C14orf39: variants seen among roughly 807,000 people sequenced by gnomAD.
C14orf39 encodes the protein protein SIX6OS1.
In C14orf39, 66 loss-of-function variants were observed where a neutral mutation model predicts 85.6. That is an observed-to-expected ratio of 0.77 (90% CI 0.63 to 0.95). C14orf39 has a LOEUF of 0.95. Among genes scored for constraint, C14orf39 ranks in the 40% least tolerant of loss-of-function variants. The pLI is 0.00. For synonymous variants in C14orf39, 242 were observed against 214.0 expected (o/e 1.13, Z -1.14); for missense variants, 735 against 663.9 (o/e 1.11, Z -1.18).
intron 4 of C14orf39, 67 bp downstream of exon 4, chr14:60,483,624 T>C (rs1892742240): frequency 5.7e-6 from 8 of 1,399,010 alleles, no homozygotes; most frequent in Non-Finnish European, 6.8e-6. Context: ...AGGAAGTATC[T>C]TCAACTGTAA....
rs1192380897 is a variant in C14orf39 at position 60,515,489 on chromosome 14, C to A, written c.-238G>T. On this transcript the variant is annotated 5_prime_UTR_variant, in exon 1 of 6. Transcript: ENST00000556799. This position sits in a 1 kb window ranked among gnomAD's most constrained non-coding sequence, Gnocchi z 6.2. ...TGACTCAGCGGCTCGAGGAGAGAAACCTCTCAAAACCGGGGGACCGAGACG... is the reference window on the plus strand; with the variant it reads ...TGACTCAGCGGCTCGAGGAGAGAAAACTCTCAAAACCGGGGGACCGAGACG... 6.6e-6 allele frequency: 1 copy of A among 151,958 alleles called. No individual in the cohort carries two copies. Among genetic ancestry groups the A allele is most frequent in the Admixed American group, 6.5e-5 (1 of 15,288 alleles). The allele number at this position is 151,958 out of a possible 1,614,324, so 9.4% of individuals were successfully genotyped here.
upstream of C14orf39, among the ~76,000 whole-genome samples, chr14:60,489,157 A>G (rs1188195619): frequency 1.3e-5 from 2 of 152,286 alleles, no homozygotes; most frequent in African/African-American, 2.4e-5. Context: ...CTTTCCATCA[A>G]TCTTGATTTA....
At position 60,478,428 on chromosome 14, in the gene C14orf39, T is replaced by C. The variant is rs777554255; in HGVS notation, c.234-39A>G. The C allele has an allele frequency of 1.4e-5, 15 of 1,069,552 alleles. No homozygotes were observed. The South Asian group carries it at 2.1e-4, about 15-fold the overall frequency. The allele number at this position is 1,069,552 out of a possible 1,614,324, so 66.3% of individuals were successfully genotyped here. A position where few individuals can be genotyped will look rare whatever the true frequency, so the allele number is the denominator to read the frequency against. ...TATATTTGTAATTAGCAACTCAGAA[T>C]GATAAACAAATTGATAGAGATAATA... On this transcript the variant is annotated intron_variant, in intron 4 of 17. Coordinates refer to ENST00000321731, the MANE Select transcript of C14orf39 (RefSeq NM_174978.3).
At chr14:60,503,564 T>G (rs1480106414) in intron 1 of C14orf39, among the ~76,000 whole-genome samples, 4 of 152,194 alleles carry the variant, frequency 2.6e-5, no homozygotes, top group Non-Finnish European at 4.4e-5. Flanking sequence ...ATATGGGTAA[T>G]CATTTAACCT....
intron 5 of C14orf39, among the ~76,000 whole-genome samples, chr14:60,476,623 C>G (rs1453746165): frequency 6.6e-6 from 1 of 152,210 alleles, no homozygotes; most frequent in Non-Finnish European, 1.5e-5. Flanking sequence ...ATAACAAACA[C>G]TGTTAGAGAA....
intron 8 of C14orf39, among the ~76,000 whole-genome samples, chr14:60,469,110 A>C (rs906762549): frequency 2.0e-5 from 3 of 151,196 alleles, no homozygotes; most frequent in Non-Finnish European, 4.4e-5. Flanking sequence ...TAGCTCGCTA[A>C]AGATTATAGT....
chr14:60,481,334 A>G (rs1394443184), intron 4 of C14orf39, among the ~76,000 whole-genome samples: 1 of 152,140 alleles, frequency 6.6e-6, no homozygotes, highest in African/African-American at 2.4e-5. Context: ...CCTTATGAAA[A>G]ATTCTCAGAA....
At chr14:60,496,943 T>G (rs942535946) in intron 2 of C14orf39, 1 of 152,292 alleles carries the variant, frequency 6.6e-6, no homozygotes, top group Non-Finnish European at 1.5e-5. Context: ...GCACAAGTTA[T>G]TGGAGCTGGG....
At chr14:60,465,317 T>G (rs552449925) in intron 11 of C14orf39, among the ~76,000 whole-genome samples, 1 of 152,214 alleles carries the variant, frequency 6.6e-6, no homozygotes, top group Admixed American at 6.6e-5. Context: ...TGGACTATTT[T>G]CAGGAAGAAT....
rs201854645 is a variant in C14orf39 at position 60,466,952 on chromosome 14, G to T, written c.860C>A (p.Pro287Gln). The change falls in exon 10 of 18, where the codon CCA (proline) becomes CAA (glutamine). Residue 287 changes from proline (P) to glutamine (Q), a missense_variant. Coordinates refer to ENST00000321731, the MANE Select transcript of C14orf39 (RefSeq NM_174978.3). ...TGGTTCTGAAGAATGCATCTTTATT[G>T]GTCTTACTAATTTCTGAGATTCATA... Reference protein sequence around the residue: ...LPYESQKLVRPIKMHSSEPRV... With the variant: ...LPYESQKLVRQIKMHSSEPRV... 6 of 1,470,764 alleles carry T rather than the reference G, an allele frequency of 4.1e-6. No homozygotes were observed. The highest frequency in any genetic ancestry group is 5.4e-6 in the Non-Finnish European group (6 of 1,110,774). 91.1% of individuals were successfully genotyped at this position (1,470,764 alleles called of 1,614,324 possible). A position where few individuals can be genotyped will look rare whatever the true frequency, so the allele number is the denominator to read the frequency against.
intron 16 of C14orf39, among the ~76,000 whole-genome samples, chr14:60,443,364 G>A (rs1036840100): frequency 6.6e-6 from 1 of 152,252 alleles, no homozygotes. Flanking sequence ...CAGACCAGGA[G>A]ATTCCCTCCC....
intron 16 of C14orf39, among the ~76,000 whole-genome samples, chr14:60,447,645 T>A (rs1248234313): frequency 6.6e-6 from 1 of 152,060 alleles, no homozygotes; most frequent in Non-Finnish European, 1.5e-5. Context: ...TCCAATGCTA[T>A]CCCCATCAAG....
chr14:60,457,406 T>C (rs1282982087), intron 14 of C14orf39, among the ~76,000 whole-genome samples: 1 of 151,970 alleles, frequency 6.6e-6, no homozygotes, highest in Non-Finnish European at 1.5e-5. Flanking sequence ...TCTTTTAAAA[T>C]TTCCACAATA....
At chr14:60,489,029 T>C (rs1892945672), upstream of C14orf39, among the ~76,000 whole-genome samples, 1 of 152,164 alleles carries the variant, frequency 6.6e-6, no homozygotes, top group African/African-American at 2.4e-5. Flanking sequence ...CTTTTCTTTT[T>C]TGGGGGTCAT....
rs147514705 is a variant in C14orf39 at position 60,470,031 on chromosome 14, C to T, written c.555-378G>A. On this transcript the variant is annotated intron_variant, in intron 7 of 17. Coordinates refer to ENST00000321731, the MANE Select transcript of C14orf39 (RefSeq NM_174978.3). ...GCCCAAATTTAACTTCTTATGCTTC[C>T]ATTATTTATTTGTTCAAAGACAATA... Among the ~76,000 whole-genome samples the T allele has an allele frequency of 1.1e-4, 16 of 149,852 alleles. 1 individual carries two copies. The East Asian group carries it at 3.1e-3, about 29-fold the overall frequency.
At chr14:60,511,945 A>G (rs1893301121) in intron 1 of C14orf39, 1 of 155,200 alleles carries the variant, frequency 6.4e-6, no homozygotes, top group African/African-American at 2.4e-5. Context: ...GCTTCCTGGT[A>G]TATGTTTTAA....
chr14:60,441,316 A>G (rs2140016841), intron 17 of C14orf39, among the ~76,000 whole-genome samples: 1 of 152,330 alleles, frequency 6.6e-6, no homozygotes, highest in East Asian at 1.9e-4. Flanking sequence ...CCTTTTGTCC[A>G]TAGCAGCCTG....
chr14:60,474,612 C>G (rs374792450), intron 5 of C14orf39, among the ~76,000 whole-genome samples: 9 of 152,010 alleles, frequency 5.9e-5, no homozygotes, highest in South Asian at 2.1e-4. Context: ...TAGCATGAAG[C>G]GTTGTTGAAT....
rs577371900 is a variant in C14orf39 at position 60,473,090 on chromosome 14, C to T, written c.324-1351G>A. Among the ~76,000 whole-genome samples the T allele has an allele frequency of 3.8e-4, 58 of 152,158 alleles. No homozygotes were observed. In the East Asian group the frequency reaches 6.0e-3, roughly 16 times the overall value. On this transcript the variant is annotated intron_variant, in intron 5 of 17. Coordinates refer to ENST00000321731, the MANE Select transcript of C14orf39 (RefSeq NM_174978.3). ...TGTTGTTTCCTGACTTTTTAATGAT[C>T]GCCATTCTAACTGGTGTGAGATGGT... is the stretch of plus-strand genomic sequence containing the variant.
Sources: gnomAD v4.1 joint callset for allele counts (sites outside exome capture counted in the v4.1 genomes callset) on GRCh38, gnomAD v4.1.1 for gene constraint, Gnocchi (gnomAD v3.1) non-coding constraint, MANE v1.5 for transcripts, NCBI Gene and HGNC (gene_info 2026-07-23, HGNC 2026-07-21) for gene names.